The following LPAR5 variants were observed in gnomAD, a reference collection of about 807,000 sequenced individuals.
LPAR5 encodes the protein G protein-coupled receptor 92.
For synonymous variants in LPAR5, 271 were observed against 261.6 expected, an observed-to-expected ratio of 1.04 and a Z score of -0.35; for missense variants, 544 against 521.8, an observed-to-expected ratio of 1.04 and a Z score of -0.41.
At chr12:6,626,805 AACACAAGGCG>A (rs1948943722) in intron 1 of LPAR5, among the ~76,000 whole-genome samples, 1 of 152,192 alleles carries the variant, frequency 6.6e-6, no homozygotes, top group African/African-American at 2.4e-5. Context: ...CCGCCCCCGC[AACACAAGGCG>A]GATGTGGTAC....
chr12:6,621,182 G>A lies in LPAR5; in HGVS notation c.67C>T (p.Arg23Cys), dbSNP rs754791280. 1.9e-6 allele frequency: 3 copies of A among 1,567,352 alleles called. No individual in the cohort carries two copies. The highest frequency in any genetic ancestry group is 3.8e-5 in the Admixed American group (2 of 53,272). ...LPCPDYRPTH[R>C]LHLVVYSLVL... ...AAGCTGTAGACCACCAAGTGCAGGC[G>A]GTGGGTAGGTCGGTAGTCAGGACAC... is the stretch of plus-strand genomic sequence containing the variant. The change falls in exon 2 of 2, where the codon CGC becomes TGC. Residue 23 changes from arginine (R) to cysteine (C), a missense_variant. Coordinates refer to ENST00000329858, the MANE Select transcript of LPAR5 (RefSeq NM_020400.6).
intron 1 of LPAR5, among the ~76,000 whole-genome samples, chr12:6,631,941 C>T (rs1331883603): frequency 6.6e-6 from 1 of 152,174 alleles, no homozygotes; most frequent in Non-Finnish European, 1.5e-5. Context: ...ATGCCTTGCT[C>T]TGTCTTTTGC....
chr12:6,631,908 G>A (rs1948982783), intron 1 of LPAR5, among the ~76,000 whole-genome samples: 1 of 152,092 alleles, frequency 6.6e-6, no homozygotes, highest in South Asian at 2.1e-4. Context: ...TTCCTGTGTT[G>A]CCCACCTCCC....
intron 1 of LPAR5, among the ~76,000 whole-genome samples, chr12:6,624,312 A>AAAC (rs781505243): frequency 2.6e-4 from 40 of 152,188 alleles, no homozygotes; most frequent in African/African-American, 9.6e-4. Context: ...TCCGTCTCAA[A>AAAC]AACAACAACA....
chr12:6,621,282 A>T lies in LPAR5; in HGVS notation c.-34T>A. ...AGTGGGATTGGGAGCTAGGCTGGGG[A>T]TGCCATGGAGCACACCAGAATCATG... On this transcript the variant is annotated 5_prime_UTR_variant, in exon 2 of 2. Transcript: ENST00000329858. 1 of 1,478,150 alleles carries T rather than the reference A, an allele frequency of 6.8e-7. No individual in the cohort carries two copies. The highest frequency in any genetic ancestry group is 2.4e-5 in the East Asian group (1 of 41,380). The allele number at this position is 1,478,150 out of a possible 1,614,324, so 91.6% of individuals were successfully genotyped here.
Position 6,621,396 on chromosome 12 carries a change from A to T in LPAR5, c.-148T>A. 5.4e-6 allele frequency: 4 copies of T among 746,648 alleles called. No homozygotes were observed. Among genetic ancestry groups the T allele is most frequent in the Non-Finnish European group, 7.8e-6 (4 of 512,936 alleles). The allele number at this position is 746,648 out of a possible 1,614,324, so 46.3% of individuals were successfully genotyped here. ...GAGGGAGGTCATGGGAATGTGGGCT[A>T]TGGCTGCAGGGACAGATGGCTGCCA... On this transcript the variant is annotated 5_prime_UTR_variant, in exon 2 of 2. Coordinates refer to ENST00000329858, the MANE Select transcript of LPAR5 (RefSeq NM_020400.6).
Position 6,620,412 on chromosome 12 carries a change from C to T in LPAR5, c.837G>A (p.Leu279=), listed in dbSNP as rs1948880562. Residue 279 remains leucine, a synonymous_variant, in exon 2 of 2, where the codon CTG becomes CTA. Transcript: ENST00000329858. This position sits in a 1 kb window ranked among gnomAD's most constrained non-coding sequence, Gnocchi z 6.8. ...VPARDRVRGV[L]MVMVLLAGAN... is the part of the protein sequence containing the mutation. ...CGCCGGCCAGCAGCACCATCACCATCAGCACCCCGCGCACGCGATCGCGGG... is the reference window on the plus strand; with the variant it reads ...CGCCGGCCAGCAGCACCATCACCATTAGCACCCCGCGCACGCGATCGCGGG... The T allele has an allele frequency of 6.2e-7, 1 of 1,609,970 alleles. No homozygotes were observed. The highest frequency in any genetic ancestry group is 1.7e-5 in the Admixed American group (1 of 59,680).
At chr12:6,628,114 C>T (rs919879605) in intron 1 of LPAR5, among the ~76,000 whole-genome samples, 8 of 146,968 alleles carry the variant, frequency 5.4e-5, no homozygotes, top group East Asian at 2.0e-4. Context: ...CTCTGCCTCC[C>T]GGGTTCACGC....
chr12:6,635,100 AG>A (rs1565389983), intron 1 of LPAR5, among the ~76,000 whole-genome samples: 2 of 148,972 alleles, frequency 1.3e-5, no homozygotes, highest in East Asian at 4.0e-4. Context: ...AAAAAAAAAA[AG>A]AAAGGAAGGA....
Position 6,620,625 on chromosome 12 carries a change from G to A in LPAR5, c.624C>T (p.Val208=). ...TCCAGAAGACTCGGCCCGACGAGTA[G>A]ACCACCGCCGCCAGGGGCAGCAGGA... ...LGFLLPLAAV[V]YSSGRVFWTL... is the part of the protein sequence containing the mutation. Residue 208 remains valine (V), a synonymous_variant, in exon 2 of 2, where the codon GTC becomes GTT. Coordinates refer to ENST00000329858, the MANE Select transcript of LPAR5 (RefSeq NM_020400.6). The surrounding 1 kb of genome is among the most constrained non-coding windows in gnomAD (Gnocchi z 6.8). 1.3e-6 allele frequency: 2 copies of A among 1,552,300 alleles called. No homozygotes were observed. The highest frequency in any genetic ancestry group is 4.8e-5 in the East Asian group (2 of 41,360).
In LPAR5 at chr12:6,620,697, C is replaced by A; in HGVS notation, c.552G>T (p.Trp184Cys). Residue 184 changes from tryptophan to cysteine, a missense_variant, in exon 2 of 2, where the codon TGG (tryptophan) becomes TGT (cysteine). Coordinates refer to ENST00000329858, the MANE Select transcript of LPAR5 (RefSeq NM_020400.6). The surrounding 1 kb of genome is among the most constrained non-coding windows in gnomAD (Gnocchi z 6.8). The part of the protein sequence containing the change: ...LCFESFSDEL[W>C]KGRLLPLVLL... Reference sequence around the variant, plus strand: ...GCACGAGGGGCAGCAGCCTGCCTTTCCACAGCTCGTCGCTGAAGCTCTCGA... The same window carrying A: ...GCACGAGGGGCAGCAGCCTGCCTTTACACAGCTCGTCGCTGAAGCTCTCGA... 1 of 1,575,118 alleles carries A rather than the reference C, an allele frequency of 6.3e-7. No homozygotes were observed. Among genetic ancestry groups the A allele is most frequent in the South Asian group, 1.2e-5 (1 of 86,678 alleles).
chr12:6,628,631 CTTTT>C (rs1179212069), intron 1 of LPAR5, among the ~76,000 whole-genome samples: 5 of 126,050 alleles, frequency 4.0e-5, no homozygotes, highest in African/African-American at 1.1e-4. Flanking sequence ...CAGCTAATTT[CTTTT>C]TTTTTTTTTT....
rs561303644 is a variant in LPAR5 at position 6,621,108 on chromosome 12, G to A, written c.141C>T (p.Phe47=). Reference sequence around the variant, plus strand: ...CCGAGTGCACGCGCAGCGCGCGCAGGAAGACCCAGAGGGCTAGCGCGTTGA... The same window carrying A: ...CCGAGTGCACGCGCAGCGCGCGCAGAAAGACCCAGAGGGCTAGCGCGTTGA... The part of the protein sequence containing the change: ...LPLNALALWV[F]LRALRVHSVV... The change falls in exon 2 of 2, where the codon TTC becomes TTT. Residue 47 remains phenylalanine (F), a synonymous_variant. Transcript: ENST00000329858. 6.2e-7 allele frequency: 1 copy of A among 1,603,974 alleles called. No individual in the cohort carries two copies.
rs752466130 is a variant in LPAR5, at chr12:6,620,295, C to A, written c.954G>T (p.Arg318Ser). 3.7e-6 allele frequency: 6 copies of A among 1,606,322 alleles called. No individual in the cohort carries two copies. The African/African-American group carries it at 5.3e-5, about 14-fold the overall frequency. ...LRGLGTPHRA[R>S]TSATNGTRAA... ...CCCGCGTCCCGTTGGTGGCCGAGGT[C>A]CTGGCCCGGTGCGGAGTGCCCAGGC... is the stretch of plus-strand genomic sequence containing the variant. The change falls in exon 2 of 2, where the codon AGG (arginine) becomes AGT (serine). Residue 318 changes from arginine to serine, a missense_variant. Transcript: ENST00000329858. This position sits in a 1 kb window ranked among gnomAD's most constrained non-coding sequence, Gnocchi z 6.8.
rs745434127 is a variant in LPAR5, at chr12:6,620,324, G to A, written c.925C>T (p.Arg309Cys). Residue 309 changes from arginine to cysteine, a missense_variant, in exon 2 of 2, where the codon CGC becomes TGC. Transcript: ENST00000329858. This position sits in a 1 kb window ranked among gnomAD's most constrained non-coding sequence, Gnocchi z 6.8. The part of the protein sequence containing the change: ...FSAEGFRNTL[R>C]GLGTPHRART... Reference sequence around the variant, plus strand: ...GCCCGGTGCGGAGTGCCCAGGCCGCGCAGGGTGTTGCGGAAGCCCTCGGCG... The same window carrying A: ...GCCCGGTGCGGAGTGCCCAGGCCGCACAGGGTGTTGCGGAAGCCCTCGGCG... 2 of 1,608,862 alleles carry A rather than the reference G, an allele frequency of 1.2e-6. No homozygotes were observed. Among genetic ancestry groups the A allele is most frequent in the African/African-American group, 1.3e-5 (1 of 74,992 alleles).
At chr12:6,631,337 A>T (rs1398347525) in intron 1 of LPAR5, among the ~76,000 whole-genome samples, 1 of 152,164 alleles carries the variant, frequency 6.6e-6, no homozygotes, top group Non-Finnish European at 1.5e-5. Flanking sequence ...AAGAGAAAGA[A>T]GGCCCTGCCT....
At chr12:6,622,300 C>A (rs1438585609) in intron 1 of LPAR5, among the ~76,000 whole-genome samples, 1 of 151,420 alleles carries the variant, frequency 6.6e-6, no homozygotes, top group Admixed American at 6.6e-5. Context: ...TAGGGGCGGG[C>A]GCCTGTAATC....
chr12:6,622,328 T>C (rs1164208522), intron 1 of LPAR5, among the ~76,000 whole-genome samples: 1 of 151,404 alleles, frequency 6.6e-6, no homozygotes, highest in Non-Finnish European at 1.5e-5. Context: ...CTCAGGGGGC[T>C]GAGACAGGAG....
At chr12:6,624,992 G>GAAT (rs1401752777) in intron 1 of LPAR5, among the ~76,000 whole-genome samples, 18 of 152,152 alleles carry the variant, frequency 1.2e-4, no homozygotes, top group Non-Finnish European at 2.6e-4. Context: ...ATCTGTCAGT[G>GAAT]AATACTTGGA....
Sources: allele counts gnomAD v4.1 joint callset (sites outside exome capture counted in the v4.1 genomes callset), GRCh38; gene constraint gnomAD v4.1.1; non-coding constraint Gnocchi (gnomAD v3.1); transcripts MANE v1.5; gene names NCBI Gene and HGNC (gene_info 2026-07-23, HGNC 2026-07-21).